COL13A1: variants seen among roughly 807,000 people sequenced by gnomAD.
COL13A1 encodes collagen alpha-1(XIII) chain.
In COL13A1, 89 loss-of-function variants were observed where a neutral mutation model predicts 130.9. That is an observed-to-expected ratio of 0.68 (90% CI 0.57 to 0.81). The LOEUF (loss-of-function observed/expected upper bound fraction) is 0.81. Ranked by LOEUF, COL13A1 falls within the 30% of genes least tolerant of loss-of-function variation. The probability of loss-of-function intolerance (pLI) is 0.00; values close to 1 mark genes in which losing one functional copy is unlikely to be tolerated. For missense variants in COL13A1, 879 were observed against 934.6 expected (o/e 0.94, Z 0.78); for synonymous variants, 402 against 341.6 (o/e 1.18, Z -1.95).
At chr10:69,948,817 C>A (rs2136238551) in intron 38 of COL13A1, among the ~76,000 whole-genome samples, 1 of 150,114 alleles carries the variant, frequency 6.7e-6, no homozygotes, top group African/African-American at 2.5e-5. Context: ...ACCCTTGTCA[C>A]AGACAGAGGG....
chr10:69,825,562 A>G (rs935609341), intron 2 of COL13A1, among the ~76,000 whole-genome samples: 1 of 152,014 alleles, frequency 6.6e-6, no homozygotes, highest in Non-Finnish European at 1.5e-5. Context: ...CCCACCCCAA[A>G]TCTTGCCTGA....
intron 2 of COL13A1, among the ~76,000 whole-genome samples, chr10:69,829,932 A>C (rs1017318513): frequency 6.6e-6 from 1 of 152,206 alleles, no homozygotes; most frequent in Admixed American, 6.5e-5. Context: ...CCAGATCCCC[A>C]GCCCTCCTGG....
At chr10:69,849,611 T>C (rs1177489593) in intron 2 of COL13A1, among the ~76,000 whole-genome samples, 3 of 152,256 alleles carry the variant, frequency 2.0e-5, no homozygotes, top group Non-Finnish European at 1.5e-5. Context: ...CCTCCTAGCA[T>C]GTGGGAACAA....
chr10:69,932,323 A>G (rs1160178906), intron 30 of COL13A1, among the ~76,000 whole-genome samples: 1 of 152,176 alleles, frequency 6.6e-6, no homozygotes, highest in African/African-American at 2.4e-5. Flanking sequence ...GAAACAAGTC[A>G]CAGGTCACCC....
At position 69,936,221 on chromosome 10, in the gene COL13A1, T is replaced by C. The variant is rs566327611; in HGVS notation, c.1771-535T>C. On this transcript the variant is annotated intron_variant, in intron 32 of 40. Transcript: ENST00000645393. ...AAGGGCGAGCCCCAGCCCCACTGGA[T>C]TGGCTTTCCTTGGCTACAGAAATGT... Among the ~76,000 whole-genome samples the C allele has an allele frequency of 1.1e-3, 166 of 151,606 alleles. 1 individual carries two copies. The highest frequency in any genetic ancestry group is 3.8e-3 in the African/African-American group (155 of 41,284).
chr10:69,902,891 C>T (rs1283001050), intron 15 of COL13A1, 36 bp downstream of exon 15: 1 of 1,445,410 alleles, frequency 6.9e-7, no homozygotes, highest in Non-Finnish European at 9.3e-7. Flanking sequence ...CAAGACTTAT[C>T]CCAAGAACTC....
intron 2 of COL13A1, among the ~76,000 whole-genome samples, chr10:69,861,057 C>T (rs566793813): frequency 7.2e-5 from 11 of 152,302 alleles, no homozygotes; most frequent in African/African-American, 2.6e-4. Context: ...CACCCTCCTG[C>T]GTCCACAGAG....
intron 2 of COL13A1, among the ~76,000 whole-genome samples, chr10:69,847,314 G>A (rs886106757): frequency 9.2e-5 from 14 of 152,202 alleles, no homozygotes; most frequent in African/African-American, 3.4e-4. Context: ...AACTGTTGCT[G>A]TTGACCGCCA....
At chr10:69,825,726 C>T (rs1018094593) in intron 2 of COL13A1, among the ~76,000 whole-genome samples, 46 of 152,224 alleles carry the variant, frequency 3.0e-4, no homozygotes, top group Admixed American at 1.3e-4. Flanking sequence ...TTCCTTGTGG[C>T]AGCCTTGGGG....
intron 1 of COL13A1, among the ~76,000 whole-genome samples, chr10:69,805,607 G>T (rs1022797897): frequency 6.6e-6 from 1 of 152,226 alleles, no homozygotes; most frequent in African/African-American, 2.4e-5. Flanking sequence ...TGCAGCTAGG[G>T]ACTATGGAGC....
intron 37 of COL13A1, 82 bp from the exon 38 acceptor site, chr10:69,947,225 T>C: frequency 7.8e-7 from 1 of 1,284,412 alleles, no homozygotes; most frequent in Admixed American, 1.8e-5. Flanking sequence ...ATTGGGAGAG[T>C]TTGATGAGCC....
At chr10:69,856,001 C>A (rs1856354844) in intron 2 of COL13A1, among the ~76,000 whole-genome samples, 1 of 152,216 alleles carries the variant, frequency 6.6e-6, no homozygotes, top group Admixed American at 6.5e-5. Context: ...TTGACTGAGC[C>A]CACACTCTGG....
chr10:69,852,467 G>A (rs768140291), intron 2 of COL13A1, among the ~76,000 whole-genome samples: 1 of 152,266 alleles, frequency 6.6e-6, no homozygotes, highest in Non-Finnish European at 1.5e-5. Flanking sequence ...AAAGCTCAGA[G>A]GTGGACTTGC....
chr10:69,853,669 G>A (rs1034587542), intron 2 of COL13A1, among the ~76,000 whole-genome samples: 4 of 152,244 alleles, frequency 2.6e-5, no homozygotes, highest in Non-Finnish European at 2.9e-5. Context: ...CAGAAACTTC[G>A]TGATCTAGTA....
rs1373496555 is a variant in COL13A1 at position 69,932,553 on chromosome 10, C to T, written c.1684-7C>T. The T allele has an allele frequency of 2.5e-6, 4 of 1,607,836 alleles. No individual in the cohort carries two copies. Among genetic ancestry groups the T allele is most frequent in the African/African-American group, 1.3e-5 (1 of 74,792 alleles). On this transcript the variant is annotated splice_region_variant and splice_polypyrimidine_tract_variant and intron_variant, in intron 30 of 40. Coordinates refer to ENST00000645393, the MANE Select transcript of COL13A1 (RefSeq NM_001368882.1). The stretch of plus-strand genomic sequence containing the variant: ...GGCATTCATGCAGTGGTGTTTTGTG[C>T]CCACAGGGAGAGAAAGGAGAAGCCG...
rs367973177 is a variant in COL13A1 at position 69,813,386 on chromosome 10, A to G, written c.295-8983A>G. On this transcript the variant is annotated intron_variant, in intron 1 of 40. Transcript: ENST00000645393. Reference sequence around the variant, plus strand: ...AAGGACTTCGTCATACGAATGCTGCAAAGCTCACATAGGGGTATGTGCCTC... The same window carrying G: ...AAGGACTTCGTCATACGAATGCTGCGAAGCTCACATAGGGGTATGTGCCTC... 1.4e-4 allele frequency among the ~76,000 whole-genome samples: 21 copies of G among 152,344 alleles called. No homozygotes were observed. In the South Asian group the frequency reaches 4.3e-3, roughly 32 times the overall value.
intron 40 of COL13A1, 36 bp from the exon 41 acceptor site, chr10:69,958,662 GA>G (rs772979288): frequency 3.1e-6 from 5 of 1,613,900 alleles, no homozygotes; most frequent in Non-Finnish European, 4.2e-6. Flanking sequence ...CAGACCCACT[GA>G]AACTAACAGA....
chr10:69,942,729 C>T (rs1025806774), intron 35 of COL13A1, among the ~76,000 whole-genome samples: 26 of 152,216 alleles, frequency 1.7e-4, no homozygotes, highest in Admixed American at 6.5e-5. Context: ...GTGGTACAGA[C>T]GGGGAAACCG....
At chr10:69,909,998 G>C (rs2063188150) in intron 17 of COL13A1, among the ~76,000 whole-genome samples, 1 of 152,202 alleles carries the variant, frequency 6.6e-6, no homozygotes, top group African/African-American at 2.4e-5. Flanking sequence ...TGGCCAGTCT[G>C]TCTTTGCACC....
Sources: gnomAD v4.1 joint callset for allele counts (sites outside exome capture counted in the v4.1 genomes callset) on GRCh38, gnomAD v4.1.1 for gene constraint, MANE v1.5 for transcripts, NCBI Gene and HGNC (gene_info 2026-07-23, HGNC 2026-07-21) for gene names.